The following WDR59 variants were observed in gnomAD, a reference collection of about 807,000 sequenced individuals.
WDR59 encodes the protein GATOR2 complex protein WDR59.
Under a neutral mutation model 131.2 loss-of-function variants are expected in WDR59, and 100 were observed. That is an observed-to-expected ratio of 0.76 (90% confidence interval 0.65 to 0.90). The LOEUF (loss-of-function observed/expected upper bound fraction) is 0.90. Among genes scored for constraint, WDR59 ranks in the 40% least tolerant of loss-of-function variants. The probability of loss-of-function intolerance (pLI) is 0.00; values close to 1 mark genes in which losing one functional copy is unlikely to be tolerated. For synonymous variants in WDR59, 601 were observed against 466.2 expected (o/e 1.29, Z -3.72); for missense variants, 1,203 against 1,262.2 (o/e 0.95, Z 0.71).
chr16:74,926,059 AT>A (rs35909183), intron 8 of WDR59, among the ~76,000 whole-genome samples: 138 of 129,178 alleles, frequency 1.1e-3, no homozygotes, highest in African/African-American at 2.6e-3. Context: ...AGTCTAATAA[AT>A]TTTTTTTTTT....
At chr16:74,874,744 A>G (rs1233072014) in intron 25 of WDR59, among the ~76,000 whole-genome samples, 1 of 152,192 alleles carries the variant, frequency 6.6e-6, no homozygotes, top group Non-Finnish European at 1.5e-5. Flanking sequence ...GGCACCTGCC[A>G]CCACGCCCAG....
intron 1 of WDR59, among the ~76,000 whole-genome samples, chr16:74,972,821 TAAAAAAAAAAAA>T (rs57885889): frequency 0.017 from 928 of 55,108 alleles, 11 homozygotes; most frequent in African/African-American, 0.045. Flanking sequence ...GACTCTGTCT[TAAAAAAAAAAAA>T]AAAAAAAAAA....
chr16:74,877,982 G>A (rs1175872429), intron 25 of WDR59, among the ~76,000 whole-genome samples: 2 of 152,014 alleles, frequency 1.3e-5, no homozygotes, highest in African/African-American at 4.8e-5. Context: ...AAATTTGGAA[G>A]AATAAAGCTC....
At chr16:74,960,753 T>TAAAAAAAAAAAAAAAAAA (rs59914217) in intron 2 of WDR59, among the ~76,000 whole-genome samples, 1 of 118,720 alleles carries the variant, frequency 8.4e-6, no homozygotes, top group Admixed American at 9.0e-5. Context: ...GTCTCAAAAA[T>TAAAAAAAAAAAAAAAAAA]AAAAAAAAAA....
rs868390720 is a variant in WDR59 at position 74,922,120 on chromosome 16, A to T, written c.730-17T>A. ...GCTGAAAGGCTAAGGCAGGGAAGGG[A>T]AAAGCAGGTGATTAGATTATTTCAG... On this transcript the variant is annotated splice_polypyrimidine_tract_variant and intron_variant, in intron 9 of 25. Coordinates refer to ENST00000262144, the MANE Select transcript of WDR59 (RefSeq NM_030581.4). The T allele has an allele frequency of 6.2e-7, 1 of 1,613,766 alleles. No homozygotes were observed. The highest frequency in any genetic ancestry group is 8.5e-7 in the Non-Finnish European group (1 of 1,179,808).
At chr16:74,878,926 G>A (rs551412699) in intron 25 of WDR59, among the ~76,000 whole-genome samples, 13 of 152,308 alleles carry the variant, frequency 8.5e-5, no homozygotes, top group African/African-American at 2.9e-4. Context: ...GCCTAAAGTC[G>A]CTTCCTATAA....
chr16:74,962,557 G>C (rs528164000), intron 2 of WDR59, among the ~76,000 whole-genome samples: 1 of 152,130 alleles, frequency 6.6e-6, no homozygotes, highest in Admixed American at 6.6e-5. Context: ...ATTGCGAATG[G>C]GAGTTCATTC....
At chr16:74,932,710 A>T (rs1466718977) in intron 8 of WDR59, among the ~76,000 whole-genome samples, 5 of 151,998 alleles carry the variant, frequency 3.3e-5, no homozygotes, top group Admixed American at 3.3e-4. Flanking sequence ...GCTGGTCTCC[A>T]CCTCCTGGGC....
intron 25 of WDR59, among the ~76,000 whole-genome samples, chr16:74,878,898 G>A (rs1363205175): frequency 2.0e-5 from 3 of 152,160 alleles, no homozygotes; most frequent in South Asian, 2.1e-4. Flanking sequence ...TGCCGGTTTC[G>A]GCTTTTGCCT....
intron 1 of WDR59, among the ~76,000 whole-genome samples, chr16:74,979,291 C>A (rs2034306069): frequency 6.6e-6 from 1 of 151,478 alleles, no homozygotes; most frequent in African/African-American, 2.4e-5. Context: ...AGTGAAACCC[C>A]ATCTCTACTA....
At chr16:74,881,733 C>A (rs1306365760) in intron 25 of WDR59, among the ~76,000 whole-genome samples, 1 of 151,628 alleles carries the variant, frequency 6.6e-6, no homozygotes, top group Non-Finnish European at 1.5e-5. Flanking sequence ...ATTAGCTGGG[C>A]GTAGTGGCAC....
At chr16:74,976,504 G>A (rs897431025) in intron 1 of WDR59, among the ~76,000 whole-genome samples, 3 of 150,382 alleles carry the variant, frequency 2.0e-5, no homozygotes, top group Non-Finnish European at 3.0e-5. Flanking sequence ...GTCCAAGGGC[G>A]CAATCTTGGC....
At chr16:74,878,892 G>A (rs746929889) in intron 25 of WDR59, among the ~76,000 whole-genome samples, 4 of 152,156 alleles carry the variant, frequency 2.6e-5, no homozygotes, top group South Asian at 2.1e-4. Context: ...GCCAATTGCC[G>A]GTTTCGGCTT....
At chr16:74,918,049 T>C (rs1207458970) in intron 10 of WDR59, 41 bp from the exon 11 acceptor site, 1 of 1,592,448 alleles carries the variant, frequency 6.3e-7, no homozygotes. Context: ...TTCTTCTGGA[T>C]TCAACGTCTA....
chr16:74,942,881 A>G, intron 6 of WDR59, 55 bp from the exon 7 acceptor site: 1 of 1,509,688 alleles, frequency 6.6e-7, no homozygotes, highest in Non-Finnish European at 9.2e-7. Context: ...TCGGAAGCAG[A>G]GCAGAGCACA....
chr16:74,909,187 G>A (rs760646781), intron 16 of WDR59, among the ~76,000 whole-genome samples: 2 of 152,076 alleles, frequency 1.3e-5, no homozygotes, highest in African/African-American at 4.8e-5. Context: ...TGTGGACTGG[G>A]CAGAGTCATC....
chr16:74,984,794 G>A, intron 1 of WDR59, 170 bp downstream of exon 1: 3 of 887,066 alleles, frequency 3.4e-6, no homozygotes, highest in Non-Finnish European at 5.1e-6. Context: ...TGCCCCCGAT[G>A]GTCGTCTTCC....
At chr16:74,942,713 A>G (rs1443948368) in intron 7 of WDR59, 25 bp downstream of exon 7, 2 of 1,610,734 alleles carry the variant, frequency 1.2e-6, no homozygotes, top group Non-Finnish European at 1.7e-6. Context: ...AAAGACCAAT[A>G]AGGGCGAAAA....
chr16:74,916,096 C>G (rs747787796), intron 12 of WDR59, 31 bp downstream of exon 12: 1 of 1,614,038 alleles, frequency 6.2e-7, no homozygotes, highest in Admixed American at 1.7e-5. Context: ...TAGAGTGGCA[C>G]CTTACCTGAG....
Sources: allele counts gnomAD v4.1 joint callset (sites outside exome capture counted in the v4.1 genomes callset), GRCh38; gene constraint gnomAD v4.1.1; transcripts MANE v1.5; gene names NCBI Gene and HGNC (gene_info 2026-07-23, HGNC 2026-07-21).